The following SNX29 variants were observed in gnomAD, a reference collection of about 807,000 sequenced individuals.
SNX29 encodes sorting nexin 29.
A neutral mutation model predicts 102.1 loss-of-function variants in SNX29; 78 were observed. The ratio of observed to expected loss-of-function variants is 0.76; its 90% CI spans 0.64 to 0.92. The LOEUF (loss-of-function observed/expected upper bound fraction) is 0.92, where lower values mean the gene tolerates loss of function less well. Ranked by LOEUF, SNX29 falls within the 40% of genes least tolerant of loss-of-function variation. The pLI is 0.00. For missense variants in SNX29, 1,280 were observed against 1,061.7 expected, an observed-to-expected ratio of 1.21 and a Z score of -2.86; for synonymous variants, 580 against 414.5, an observed-to-expected ratio of 1.40 and a Z score of -4.85.
chr16:12,152,220 TAAAA>T (rs577286121), intron 13 of SNX29, among the ~76,000 whole-genome samples: 7 of 149,000 alleles, frequency 4.7e-5, no homozygotes, highest in Non-Finnish European at 1.0e-4. Flanking sequence ...GACCCTATCT[TAAAA>T]AAAAAATGCA....
intron 14 of SNX29, among the ~76,000 whole-genome samples, chr16:12,216,943 C>T (rs1263671037): frequency 6.6e-6 from 1 of 152,156 alleles, no homozygotes; most frequent in Non-Finnish European, 1.5e-5. Context: ...CTTTGTTTTC[C>T]ACCTAGGTGG....
chr16:12,356,378 C>A, intron 16 of SNX29, 99 bp downstream of exon 16: 2 of 1,117,340 alleles, frequency 1.8e-6, no homozygotes, highest in Non-Finnish European at 2.6e-6. Flanking sequence ...CATGCATCCA[C>A]TGGCCAGATT....
chr16:12,407,764 G>A lies in SNX29; in HGVS notation c.2037+4235G>A, dbSNP rs2084225130. Among the ~76,000 whole-genome samples, 2 of 152,160 alleles carry A rather than the reference G, an allele frequency of 1.3e-5. 1 individual carries two copies. Among genetic ancestry groups the A allele is most frequent in the Non-Finnish European group, 2.9e-5 (2 of 68,030 alleles). On this transcript the variant is annotated intron_variant, in intron 18 of 20. Coordinates refer to ENST00000566228, the MANE Select transcript of SNX29 (RefSeq NM_032167.5). ...AGCCCCCAAAGCAGTCTCTGACAAG[G>A]TCCTGGTCTTTAGAGATTCTGTGTT...
chr16:12,531,011 A>C (rs564554215), intron 20 of SNX29, among the ~76,000 whole-genome samples: 10 of 152,340 alleles, frequency 6.6e-5, no homozygotes, highest in Non-Finnish European at 1.3e-4. Flanking sequence ...GAACATCTCG[A>C]TGGATACACA....
intron 11 of SNX29, among the ~76,000 whole-genome samples, chr16:12,094,062 A>G (rs533513259): frequency 6.6e-6 from 1 of 152,238 alleles, no homozygotes; most frequent in Admixed American, 6.5e-5. Context: ...ACATCCCTAC[A>G]TGTATTAGCA....
intron 20 of SNX29, among the ~76,000 whole-genome samples, chr16:12,548,686 G>C (rs369815143): frequency 2.0e-5 from 3 of 152,304 alleles, no homozygotes; most frequent in African/African-American, 7.2e-5. Context: ...TTAAAGCCCA[G>C]AGCACTGCAG....
intron 11 of SNX29, among the ~76,000 whole-genome samples, chr16:12,122,859 C>G (rs976775295): frequency 4.6e-5 from 7 of 152,150 alleles, no homozygotes; most frequent in Non-Finnish European, 8.8e-5. Context: ...CGGAGTCTCA[C>G]TCTGTCACCC....
intron 20 of SNX29, among the ~76,000 whole-genome samples, chr16:12,555,110 C>G (rs376660505): frequency 4.5e-5 from 6 of 132,236 alleles, no homozygotes; most frequent in South Asian, 2.3e-4. Context: ...CAGGGACAAT[C>G]TCAGAGTATC....
chr16:12,026,103 C>T (rs1406889243), intron 3 of SNX29, among the ~76,000 whole-genome samples: 3 of 152,136 alleles, frequency 2.0e-5, no homozygotes, highest in African/African-American at 4.8e-5. Flanking sequence ...GCAGCAAATG[C>T]CCGAGGCCAG....
chr16:12,467,655 C>CATTCATTCACTCATTCATTCATTCATT (rs75996327), intron 18 of SNX29, among the ~76,000 whole-genome samples: 1 of 143,432 alleles, frequency 7.0e-6, no homozygotes, highest in Admixed American at 6.9e-5. Flanking sequence ...TTCATTCATT[C>CATTCATTCACTCATTCATTCATTCATT]CATTCACTCA....
intron 13 of SNX29, among the ~76,000 whole-genome samples, chr16:12,189,439 GT>G (rs2141889877): frequency 6.6e-6 from 1 of 152,214 alleles, no homozygotes; most frequent in African/African-American, 2.4e-5. Flanking sequence ...CGTGCCTTTG[GT>G]TTGCTTGATG....
chr16:12,525,821 C>T (rs2076768143), intron 20 of SNX29, among the ~76,000 whole-genome samples: 1 of 151,974 alleles, frequency 6.6e-6, no homozygotes, highest in Non-Finnish European at 1.5e-5. Flanking sequence ...CTTCTTTTCG[C>T]CTGCCACATG....
intron 20 of SNX29, among the ~76,000 whole-genome samples, chr16:12,550,302 C>T (rs186052692): frequency 6.6e-6 from 1 of 152,122 alleles, no homozygotes; most frequent in African/African-American, 2.4e-5. Context: ...TGTGGGAGGC[C>T]AAGGTGGTTG....
intron 13 of SNX29, among the ~76,000 whole-genome samples, chr16:12,195,426 T>G (rs576959163): frequency 6.6e-6 from 1 of 152,346 alleles, no homozygotes; most frequent in Non-Finnish European, 1.5e-5. Flanking sequence ...TTACAGTTCT[T>G]GAAGCTGTTG....
chr16:12,522,609 T>G (rs1245422622), intron 19 of SNX29, among the ~76,000 whole-genome samples: 2 of 152,110 alleles, frequency 1.3e-5, no homozygotes, highest in African/African-American at 4.8e-5. Flanking sequence ...TCTGGTTGTT[T>G]AAAAGTATGT....
chr16:12,458,499 G>C (rs2086631664), intron 18 of SNX29, among the ~76,000 whole-genome samples: 1 of 152,224 alleles, frequency 6.6e-6, no homozygotes, highest in South Asian at 2.1e-4. Flanking sequence ...AGTTATTTGA[G>C]GGTTTTGTAT....
At chr16:12,546,722 G>C (rs1379259973) in intron 20 of SNX29, 3 of 152,020 alleles carry the variant, frequency 2.0e-5, no homozygotes, top group African/African-American at 7.2e-5. Context: ...ATTTTGACTA[G>C]AAAACTAAGA....
intron 15 of SNX29, among the ~76,000 whole-genome samples, chr16:12,337,670 G>GC (rs2081492930): frequency 6.6e-6 from 1 of 152,126 alleles, no homozygotes; most frequent in Non-Finnish European, 1.5e-5. Flanking sequence ...AAGAATACTT[G>GC]CAAACATGTG....
At chr16:12,429,407 A>T (rs1183476768) in intron 18 of SNX29, among the ~76,000 whole-genome samples, 1 of 152,142 alleles carries the variant, frequency 6.6e-6, no homozygotes, top group African/African-American at 2.4e-5. Context: ...TCACATGTAA[A>T]CGTCTGTGTT....
Sources: gnomAD v4.1 joint callset for allele counts (sites outside exome capture counted in the v4.1 genomes callset) on GRCh38, gnomAD v4.1.1 for gene constraint, MANE v1.5 for transcripts, NCBI Gene and HGNC (gene_info 2026-07-23, HGNC 2026-07-21) for gene names.